Variants in KCNQ1OT1 observed in about 807,000 individuals in gnomAD.
The protein encoded by KCNQ1OT1 is KCNQ1 antisense RNA 2 (non-protein coding).
exon 1 of KCNQ1OT1, chr11:2,660,852 C>T (rs561906032): frequency 1.9e-4 from 75 of 398,568 alleles, no homozygotes; most frequent in African/African-American, 1.4e-3. Flanking sequence ...TCCAGTATGT[C>T]AGCTTTTAAG....
At position 2,664,615 on chromosome 11, in the gene KCNQ1OT1, A is replaced by G. The variant is rs1850030920; in HGVS notation, n.35380T>C. The G allele has an allele frequency of 1.0e-5, 4 of 398,646 alleles. No individual in the cohort carries two copies. The East Asian group carries it at 1.1e-4, about 11-fold the overall frequency. 24.7% of individuals were successfully genotyped at this position (398,646 alleles called of 1,614,324 possible). On this transcript the variant is annotated non_coding_transcript_exon_variant, in exon 1 of 1. Coordinates refer to ENST00000597346, the Ensembl canonical transcript of KCNQ1OT1. The surrounding 1 kb of genome is among the most constrained non-coding windows in gnomAD (Gnocchi z 5.1). ...CCTCCACCTCCTGCACAGCCCGCCC[A>G]GTGATGCCCATAATTAAATTCGGCT...
chr11:2,657,507 A>G lies in KCNQ1OT1; in HGVS notation n.42488T>C. The stretch of plus-strand genomic sequence containing the variant: ...TTACCTCACATTTTTTATTTACAGA[A>G]GAGAAACAAAAATAGTACCGAGTAC... On this transcript the variant is annotated non_coding_transcript_exon_variant, in exon 1 of 1. Coordinates refer to ENST00000597346, the Ensembl canonical transcript of KCNQ1OT1. The surrounding 1 kb of genome is among the most constrained non-coding windows in gnomAD (Gnocchi z 4.8). 1 of 398,598 alleles carries G rather than the reference A, an allele frequency of 2.5e-6. No homozygotes were observed. 24.7% of individuals were successfully genotyped at this position (398,598 alleles called of 1,614,324 possible). A position where few individuals can be genotyped will look rare whatever the true frequency, so the allele number is the denominator to read the frequency against.
rs2133805012 is a variant in KCNQ1OT1 at position 2,621,568 on chromosome 11, CTA to C, written n.78425_78426del. On this transcript the variant is annotated non_coding_transcript_exon_variant, in exon 1 of 1. Transcript: ENST00000597346. The surrounding 1 kb of genome is among the most constrained non-coding windows in gnomAD (Gnocchi z 5.7). ...TTAGTTTACCACTGTGATCTCTTTG[CTA>C]TTGGTCTGTTCAGGCTTTCTATTCC... 1 of 398,416 alleles carries C rather than the reference CTA, an allele frequency of 2.5e-6. No homozygotes were observed. The highest frequency in any genetic ancestry group is 3.6e-5 in the East Asian group (1 of 28,024). 24.7% of individuals were successfully genotyped at this position (398,416 alleles called of 1,614,324 possible).
exon 1 of KCNQ1OT1, chr11:2,696,026 C>T (rs1054971308): frequency 2.5e-5 from 10 of 398,424 alleles, no homozygotes; most frequent in African/African-American, 4.1e-5. Context: ...AAGTGAAAAA[C>T]GCAAATTGTT....
At chr11:2,650,732 G>C (rs922956833) in exon 1 of KCNQ1OT1, 1 of 398,444 alleles carries the variant, frequency 2.5e-6, no homozygotes, top group Non-Finnish European at 4.4e-6. Flanking sequence ...AATGCTATTG[G>C]AATTTGGCTC....
rs1347719532 is a variant in KCNQ1OT1, at chr11:2,687,479, A to T, written n.12516T>A. The T allele has an allele frequency of 1.8e-5, 7 of 398,660 alleles. No homozygotes were observed. Among genetic ancestry groups the T allele is most frequent in the Non-Finnish European group, 3.1e-5 (7 of 226,248 alleles). 24.7% of individuals were successfully genotyped at this position (398,660 alleles called of 1,614,324 possible). A position where few individuals can be genotyped will look rare whatever the true frequency, so the allele number is the denominator to read the frequency against. On this transcript the variant is annotated non_coding_transcript_exon_variant, in exon 1 of 1. Transcript: ENST00000597346. The surrounding 1 kb of genome is among the most constrained non-coding windows in gnomAD (Gnocchi z 5.0). ...ACAAGAGCTGCTGCAGCATTTCAAT[A>T]GGGCCATCCCAGGCACCCTAGGACT...
At chr11:2,630,210 C>G in exon 1 of KCNQ1OT1, 1 of 398,212 alleles carries the variant, frequency 2.5e-6, no homozygotes, top group Non-Finnish European at 4.4e-6. Context: ...ATTAAAGTAT[C>G]CCATTTCTTG....
exon 1 of KCNQ1OT1, chr11:2,650,313 T>G (rs1348723455): frequency 1.0e-5 from 4 of 398,508 alleles, no homozygotes; most frequent in Non-Finnish European, 1.8e-5. Context: ...AAGTCATGTT[T>G]TCTTGTTTTT....
In KCNQ1OT1 at chr11:2,649,409, G is replaced by A. The variant is rs1048386385; in HGVS notation, n.50586C>T. 16 of 398,294 alleles carry A rather than the reference G, an allele frequency of 4.0e-5. 1 individual carries two copies. The highest frequency in any genetic ancestry group is 6.6e-5 in the Non-Finnish European group (15 of 226,032). The allele number at this position is 398,294 out of a possible 1,614,324, so 24.7% of individuals were successfully genotyped here. A position where few individuals can be genotyped will look rare whatever the true frequency, so the allele number is the denominator to read the frequency against. On this transcript the variant is annotated non_coding_transcript_exon_variant, in exon 1 of 1. Transcript: ENST00000597346. ...ATGCTTTTGTAGTTTCATGATGGTA[G>A]ATATCATCCTCCTACTTCCAGATGT...
exon 1 of KCNQ1OT1, chr11:2,660,793 A>T: frequency 2.5e-6 from 1 of 398,640 alleles, no homozygotes; most frequent in Non-Finnish European, 4.4e-6. Context: ...TGGGAAAGCA[A>T]TCTAGCAACA....
Position 2,612,356 on chromosome 11 carries a change from CA to C in KCNQ1OT1, n.87638del. ...CTGGCTGTGGAAAAATTGTCTTCCA[CA>C]AAACTGGTCCCTCATGCCAAAAAGG... On this transcript the variant is annotated non_coding_transcript_exon_variant, in exon 1 of 1. Transcript: ENST00000597346. The surrounding 1 kb of genome is among the most constrained non-coding windows in gnomAD (Gnocchi z 5.5). 2 of 398,662 alleles carry C rather than the reference CA, an allele frequency of 5.0e-6. No homozygotes were observed. The highest frequency in any genetic ancestry group is 7.1e-5 in the East Asian group (2 of 28,080). 24.7% of individuals were successfully genotyped at this position (398,662 alleles called of 1,614,324 possible). A position where few individuals can be genotyped will look rare whatever the true frequency, so the allele number is the denominator to read the frequency against.
In KCNQ1OT1 at chr11:2,679,304, A is replaced by G; in HGVS notation, n.20691T>C. 2.5e-6 allele frequency: 1 copy of G among 398,642 alleles called. No homozygotes were observed. Among genetic ancestry groups the G allele is most frequent in the Non-Finnish European group, 4.4e-6 (1 of 226,074 alleles). The allele number at this position is 398,642 out of a possible 1,614,324, so 24.7% of individuals were successfully genotyped here. A position where few individuals can be genotyped will look rare whatever the true frequency, so the allele number is the denominator to read the frequency against. ...ATAGCCAAAGACAGGGGCTAATAAC[A>G]GGGTCTGGAGTCTGAACTCATATCC... On this transcript the variant is annotated non_coding_transcript_exon_variant, in exon 1 of 1. Transcript: ENST00000597346. This position sits in a 1 kb window ranked among gnomAD's most constrained non-coding sequence, Gnocchi z 4.8.
rs1849659907 is a variant in KCNQ1OT1 at position 2,645,994 on chromosome 11, G to C, written n.54001C>G. On this transcript the variant is annotated non_coding_transcript_exon_variant, in exon 1 of 1. Coordinates refer to ENST00000597346, the Ensembl canonical transcript of KCNQ1OT1. The surrounding 1 kb of genome is among the most constrained non-coding windows in gnomAD (Gnocchi z 5.8). ...GACTAGGATTTCAGGAGTCTGCTGT[G>C]GGAATGTGGACCACTAGGGGCTCAC... The C allele has an allele frequency of 2.5e-6, 1 of 398,548 alleles. No homozygotes were observed. 24.7% of individuals were successfully genotyped at this position (398,548 alleles called of 1,614,324 possible).
rs762809816 is a variant in KCNQ1OT1 at position 2,674,557 on chromosome 11, T to C, written n.25438A>G. ...GGAGGATTTAGACAAATACCTCGAG[T>C]GAGTGAATCTGAAGCATGCTAGTTG... is the stretch of plus-strand genomic sequence containing the variant. On this transcript the variant is annotated non_coding_transcript_exon_variant, in exon 1 of 1. Transcript: ENST00000597346. The surrounding 1 kb of genome is among the most constrained non-coding windows in gnomAD (Gnocchi z 5.9). The C allele has an allele frequency of 5.0e-6, 2 of 398,394 alleles. No individual in the cohort carries two copies. Among genetic ancestry groups the C allele is most frequent in the Non-Finnish European group, 8.8e-6 (2 of 226,046 alleles). 24.7% of individuals were successfully genotyped at this position (398,394 alleles called of 1,614,324 possible). A position where few individuals can be genotyped will look rare whatever the true frequency, so the allele number is the denominator to read the frequency against.
exon 1 of KCNQ1OT1, chr11:2,667,423 T>C (rs1590019185): frequency 2.5e-6 from 1 of 398,660 alleles, no homozygotes; most frequent in Non-Finnish European, 4.4e-6. Context: ...ACTTGTGAAC[T>C]CCCAGCCATG....
At chr11:2,614,507 C>T in exon 1 of KCNQ1OT1, 1 of 398,322 alleles carries the variant, frequency 2.5e-6, no homozygotes, top group Non-Finnish European at 4.4e-6. Context: ...GAAATTTATG[C>T]CTTTAACTCT....
exon 1 of KCNQ1OT1, chr11:2,655,518 A>G (rs1403882477): frequency 2.5e-6 from 1 of 398,550 alleles, no homozygotes; most frequent in African/African-American, 2.1e-5. Flanking sequence ...TTTCAAGTAC[A>G]CCATGGGCTC....
In KCNQ1OT1 at chr11:2,613,434, G is replaced by T. The variant is rs1055145305; in HGVS notation, n.86561C>A. 1.5e-5 allele frequency: 6 copies of T among 398,426 alleles called. No homozygotes were observed. The highest frequency in any genetic ancestry group is 1.2e-4 in the African/African-American group (6 of 48,606). 24.7% of individuals were successfully genotyped at this position (398,426 alleles called of 1,614,324 possible). On this transcript the variant is annotated non_coding_transcript_exon_variant, in exon 1 of 1. Coordinates refer to ENST00000597346, the Ensembl canonical transcript of KCNQ1OT1. This position sits in a 1 kb window ranked among gnomAD's most constrained non-coding sequence, Gnocchi z 4.8. ...CTTGTTGCTTAACATAGTGCATAGG[G>T]TTTTCTATGGAATTCAAAATCAGAT... is the stretch of plus-strand genomic sequence containing the variant.
chr11:2,648,604 T>G (rs1849703707), exon 1 of KCNQ1OT1: 1 of 398,554 alleles, frequency 2.5e-6, no homozygotes, highest in Admixed American at 4.4e-5. Context: ...TGTTATTGAT[T>G]TCCAGTTTTA....
Sources: allele counts gnomAD v4.1 joint callset, GRCh38; gene constraint gnomAD v4.1.1; non-coding constraint Gnocchi (gnomAD v3.1); transcripts MANE v1.5; gene names NCBI Gene and HGNC (gene_info 2026-07-23, HGNC 2026-07-21).